The following TRHDE variants were observed in gnomAD, a reference collection of about 807,000 sequenced individuals.
TRHDE encodes thyrotropin-releasing hormone-degrading ectoenzyme.
In TRHDE, 72 loss-of-function variants were observed where a neutral mutation model predicts 125.7. The observed-to-expected ratio is 0.57, with a 90% CI of 0.47 to 0.70. TRHDE has a LOEUF of 0.70. Ranked by LOEUF, TRHDE falls within the 30% of genes least tolerant of loss-of-function variation. The probability of loss-of-function intolerance (pLI) is 0.00; values close to 1 mark genes in which losing one functional copy is unlikely to be tolerated. For missense variants in TRHDE, 1,110 were observed against 1,327.1 expected, an observed-to-expected ratio of 0.84 and a Z score of 2.54; for synonymous variants, 509 against 509.1, an observed-to-expected ratio of 1.00 and a Z score of 0.00.
chr12:72,103,343 G>T (rs1875110563), intron 1 of TRHDE, among the ~76,000 whole-genome samples: 1 of 152,116 alleles, frequency 6.6e-6, no homozygotes, highest in Non-Finnish European at 1.5e-5. Context: ...TTATTTCAAT[G>T]AATTCATTGG....
intron 2 of TRHDE, among the ~76,000 whole-genome samples, chr12:72,150,640 C>T (rs1183958970): frequency 1.3e-5 from 2 of 148,438 alleles, no homozygotes; most frequent in Admixed American, 6.9e-5. Flanking sequence ...TGAATGAGAA[C>T]ATGCGGTGTT....
upstream of TRHDE, among the ~76,000 whole-genome samples, chr12:72,268,554 T>C (rs77934585): frequency 3.5e-3 from 533 of 152,190 alleles, 10 homozygotes; most frequent in East Asian, 0.036. Context: ...GATCTAGTTC[T>C]TTCCCCCGAG....
At chr12:72,424,819 C>T (rs182539918) in intron 3 of TRHDE, among the ~76,000 whole-genome samples, 40 of 152,224 alleles carry the variant, frequency 2.6e-4, no homozygotes, top group Admixed American at 4.6e-4. Flanking sequence ...GAGAAACTAA[C>T]ACCCAATATT....
chr12:72,542,942 G>A (rs1203014038), intron 7 of TRHDE, among the ~76,000 whole-genome samples: 1 of 151,258 alleles, frequency 6.6e-6, no homozygotes, highest in African/African-American at 2.4e-5. Context: ...AGAAAAGGAA[G>A]ATTATTAAAC....
intron 2 of TRHDE, among the ~76,000 whole-genome samples, chr12:72,210,359 A>G (rs1263375172): frequency 6.6e-6 from 1 of 152,156 alleles, no homozygotes; most frequent in Non-Finnish European, 1.5e-5. Flanking sequence ...CTTGTGCATC[A>G]TCTATGTTCA....
chr12:72,498,719 A>AT (rs1878019454), intron 5 of TRHDE, among the ~76,000 whole-genome samples: 1 of 152,164 alleles, frequency 6.6e-6, no homozygotes, highest in South Asian at 2.1e-4. Context: ...TCCTTAGTTT[A>AT]TTTTTTAACA....
intron 6 of TRHDE, among the ~76,000 whole-genome samples, chr12:72,517,035 A>T (rs1273468672): frequency 1.3e-5 from 2 of 152,004 alleles, no homozygotes; most frequent in African/African-American, 4.8e-5. Context: ...GTGCTGCTGG[A>T]TTCAGTTTGC....
intron 1 of TRHDE, among the ~76,000 whole-genome samples, chr12:72,088,708 A>G (rs1052454944): frequency 1.3e-5 from 2 of 151,922 alleles, no homozygotes; most frequent in East Asian, 3.9e-4. Context: ...CACATCTCTC[A>G]TTCTTTACTG....
chr12:72,596,560 T>G (rs1220056843), intron 12 of TRHDE, among the ~76,000 whole-genome samples: 1 of 152,166 alleles, frequency 6.6e-6, no homozygotes, highest in African/African-American at 2.4e-5. Context: ...TAATATTGGG[T>G]GGTTTAAATA....
intron 2 of TRHDE, among the ~76,000 whole-genome samples, chr12:72,190,286 C>A (rs996544029): frequency 6.6e-6 from 1 of 152,200 alleles, no homozygotes; most frequent in Non-Finnish European, 1.5e-5. Context: ...TTTTCTATAA[C>A]CAGCTGAGAA....
chr12:72,272,573 C>G lies in TRHDE; in HGVS notation c.-71C>G, dbSNP rs1011583580. The G allele has an allele frequency of 1.6e-6, 1 of 618,958 alleles. No individual in the cohort carries two copies. The highest frequency in any genetic ancestry group is 1.9e-5 in the African/African-American group (1 of 53,122). The allele number at this position is 618,958 out of a possible 1,614,324, so 38.3% of individuals were successfully genotyped here. On this transcript the variant is annotated 5_prime_UTR_variant, in exon 1 of 19. Transcript: ENST00000261180. This position sits in a 1 kb window ranked among gnomAD's most constrained non-coding sequence, Gnocchi z 6.7. ...CCGCGTGAGCTCTCCGATGCCTGCT[C>G]TGGCTGTGGCCCGGGTGGCCCGCCC...
At chr12:72,444,813 G>A (rs1029640654) in intron 3 of TRHDE, among the ~76,000 whole-genome samples, 9 of 151,964 alleles carry the variant, frequency 5.9e-5, no homozygotes, top group East Asian at 5.8e-4. Flanking sequence ...TAAAGGAGGC[G>A]TGGTGAGGAG....
In TRHDE at chr12:72,570,401, T is replaced by C. The variant is rs527765732; in HGVS notation, c.2131+1745T>C. On this transcript the variant is annotated intron_variant, in intron 10 of 18. Coordinates refer to ENST00000261180, the MANE Select transcript of TRHDE (RefSeq NM_013381.3). ...TTTGAGACCAGCCTGGCCAACATGA[T>C]GAAACTCCATCTCTACTAAAAATAC... Among the ~76,000 whole-genome samples the C allele has an allele frequency of 2.0e-5, 3 of 151,908 alleles. No homozygotes were observed. In the South Asian group the frequency reaches 6.3e-4, roughly 32 times the overall value.
At chr12:72,345,287 C>T (rs1404958247) in intron 2 of TRHDE, among the ~76,000 whole-genome samples, 1 of 152,028 alleles carries the variant, frequency 6.6e-6, no homozygotes, top group African/African-American at 2.4e-5. Context: ...ATAAATCCAG[C>T]CCTGACTTAC....
chr12:72,262,736 T>C (rs1046265667), intron 2 of TRHDE: 1 of 152,158 alleles, frequency 6.6e-6, no homozygotes, highest in African/African-American at 2.4e-5. Flanking sequence ...AAACAAATCC[T>C]TTACTTTAAA....
chr12:72,187,471 T>TGTGGTCGTG lies in TRHDE; in HGVS notation n.279+81725_279+81733dup, dbSNP rs1565658221. 1.7e-3 allele frequency among the ~76,000 whole-genome samples: 208 copies of TGTGGTCGTG among 120,466 alleles called. 1 individual carries two copies. Among genetic ancestry groups the TGTGGTCGTG allele is most frequent in the South Asian group, 0.011 (35 of 3,114 alleles). 79.0% of individuals were successfully genotyped at this position (120,466 alleles called of 152,430 possible). On this transcript the variant is annotated intron_variant and non_coding_transcript_variant, in intron 2 of 4. Transcript: ENST00000548156. ...GGGTGGTGGTGGTGGTGGTGGTGGT[T>TGTGGTCGTG]GTGGTCGTGGTGGTGGTGGTGGTGG... is the stretch of plus-strand genomic sequence containing the variant.
At chr12:72,652,672 T>C (rs548551835) in intron 16 of TRHDE, among the ~76,000 whole-genome samples, 183 bp downstream of exon 16, 2 of 145,928 alleles carry the variant, frequency 1.4e-5, no homozygotes, top group East Asian at 2.8e-4. Flanking sequence ...TATATCTTTT[T>C]ATGAGTATTT....
In TRHDE at chr12:72,575,368, C is replaced by A. The variant is rs1263843692; in HGVS notation, c.2245C>A (p.Gln749Lys). 4 of 1,613,416 alleles carry A rather than the reference C, an allele frequency of 2.5e-6. No individual in the cohort carries two copies. The highest frequency in any genetic ancestry group is 3.4e-6 in the Non-Finnish European group (4 of 1,179,692). The change falls in exon 11 of 19, where the codon CAA becomes AAA. Residue 749 changes from glutamine to lysine, a missense_variant. By Grantham distance (53) the Gln-to-Lys change is moderately conservative (BLOSUM62 1). Around this residue, in one of 5 missense-constraint regions of TRHDE, gnomAD observed 527 missense variants for 651.8 expected, o/e 0.81. Transcript: ENST00000261180. ...AAGGAACTGGAGATTATTAATTGAT[C>A]AATTAATCCGGAATCATGAGGTACA... ...DLRNWRLLID[Q>K]LIRNHEVLSV...
In TRHDE at chr12:72,667,343, A is replaced by G. The variant is rs1293507944; in HGVS notation, c.*4148A>G. ...TTACACCTGATTTTTTCATTATCAG[A>G]GATAATTATCAGAGATAATTTTTCA... On this transcript the variant is annotated 3_prime_UTR_variant, in exon 19 of 19. Coordinates refer to ENST00000261180, the MANE Select transcript of TRHDE (RefSeq NM_013381.3). 1 of 151,832 alleles carries G rather than the reference A, an allele frequency of 6.6e-6. No individual in the cohort carries two copies. The highest frequency in any genetic ancestry group is 1.5e-5 in the Non-Finnish European group (1 of 67,862). The allele number at this position is 151,832 out of a possible 1,614,324, so 9.4% of individuals were successfully genotyped here.
Sources: allele counts gnomAD v4.1 joint callset (sites outside exome capture counted in the v4.1 genomes callset), GRCh38; gene constraint gnomAD v4.1.1; regional missense constraint gnomAD v4.1.1; non-coding constraint Gnocchi (gnomAD v3.1); transcripts MANE v1.5; gene names NCBI Gene and HGNC (gene_info 2026-07-23, HGNC 2026-07-21).